The following CCKAR variants were observed in gnomAD, a reference collection of about 807,000 sequenced individuals.
CCKAR encodes cholecystokinin A receptor.
A neutral mutation model predicts 29.8 loss-of-function variants in CCKAR; 21 were observed. The ratio of observed to expected loss-of-function variants is 0.70; its 90% CI spans 0.50 to 1.01. The LOEUF (loss-of-function observed/expected upper bound fraction) is 1.01. Among genes scored for constraint, CCKAR ranks in the 50% least tolerant of loss-of-function variants. CCKAR has a pLI of 0.00. For missense variants in CCKAR, 570 were observed against 560.6 expected, an observed-to-expected ratio of 1.02 and a Z score of -0.17; for synonymous variants, 238 against 221.3, an observed-to-expected ratio of 1.08 and a Z score of -0.67.
chr4:26,487,075 T>C (rs146661172), intron 2 of CCKAR, among the ~76,000 whole-genome samples: 7 of 152,332 alleles, frequency 4.6e-5, no homozygotes, highest in East Asian at 3.9e-4. Flanking sequence ...AAATGTCCTA[T>C]TATTCCCTTA....
chr4:26,481,987 C>G lies in CCKAR; in HGVS notation c.938G>C (p.Arg313Pro), dbSNP rs201014241. ...GAGGACCACGATGACGATGAGCATG[C>G]GGATCACCCTTTTCTTGGCCATCAG... ...ANLMAKKRVI[R>P]MLIVIVVLFF... Residue 313 changes from arginine (R) to proline (P), a missense_variant, in exon 5 of 5, where the codon CGC (arginine) becomes CCC (proline). Physicochemically the swap from Arg to Pro is moderately radical, Grantham distance 103. Transcript: ENST00000295589. 2.5e-6 allele frequency: 4 copies of G among 1,614,234 alleles called. No individual in the cohort carries two copies. The South Asian group carries it at 3.3e-5, about 13-fold the overall frequency.
At chr4:26,488,395 T>G (rs1054609150) in intron 2 of CCKAR, among the ~76,000 whole-genome samples, 1 of 152,150 alleles carries the variant, frequency 6.6e-6, no homozygotes, top group African/African-American at 2.4e-5. Context: ...GTTTCCTCCT[T>G]AGGGAGACAA....
intron 1 of CCKAR, 62 bp downstream of exon 1, chr4:26,490,090 GCCTT>G: frequency 5.1e-6 from 5 of 973,512 alleles, no homozygotes; most frequent in Non-Finnish European, 8.2e-6. Flanking sequence ...TATCAGCCTT[GCCTT>G]TGCTGATTTC....
At chr4:26,482,236 C>G (rs1737366555) in intron 4 of CCKAR, 66 bp from the exon 5 acceptor site, 43 of 1,462,058 alleles carry the variant, frequency 2.9e-5, no homozygotes, top group Non-Finnish European at 4.0e-5. Flanking sequence ...GCATGGAGCC[C>G]CCACTCCCCT....
At position 26,481,983 on chromosome 4, in the gene CCKAR, C is replaced by T; in HGVS notation, c.942G>A (p.Met314Ile). ...AGAAGAGGACCACGATGACGATGAG[C>T]ATGCGGATCACCCTTTTCTTGGCCA... is the stretch of plus-strand genomic sequence containing the variant. The part of the protein sequence containing the change: ...NLMAKKRVIR[M>I]LIVIVVLFFL... Residue 314 changes from methionine (M) to isoleucine (I), a missense_variant, in exon 5 of 5, where the codon ATG becomes ATA. Physicochemically the swap from Met to Ile is conservative, Grantham distance 10 (BLOSUM62 1). Transcript: ENST00000295589. 1 of 1,614,258 alleles carries T rather than the reference C, an allele frequency of 6.2e-7. No homozygotes were observed. The highest frequency in any genetic ancestry group is 8.5e-7 in the Non-Finnish European group (1 of 1,180,044).
Position 26,490,157 on chromosome 4 carries a change from T to G in CCKAR, c.111A>C (p.Lys37Asn), listed in dbSNP as rs1737529270. 1 of 1,604,844 alleles carries G rather than the reference T, an allele frequency of 6.2e-7. No individual in the cohort carries two copies. The highest frequency in any genetic ancestry group is 2.2e-5 in the East Asian group (1 of 44,764). The change falls in exon 1 of 5, where the codon AAA becomes AAC. Residue 37 changes from lysine to asparagine, a missense_variant and splice_region_variant. Transcript: ENST00000295589. Reference sequence around the variant, plus strand: ...AAAATAACAGCTTCCGACACTTACCTTTGGAAGGACGGGGCTGATCCAAGC... The same window carrying G: ...AAAATAACAGCTTCCGACACTTACCGTTGGAAGGACGGGGCTGATCCAAGC... The part of the protein sequence containing the change: ...LFCLDQPRPS[K>N]EWQPAVQILL...
At chr4:26,483,089 T>A in intron 4 of CCKAR, 67 bp downstream of exon 4, 1 of 1,535,406 alleles carries the variant, frequency 6.5e-7, no homozygotes, top group Non-Finnish European at 8.9e-7. Flanking sequence ...TGGGTATATC[T>A]ATTTAAATGA....
intron 1 of CCKAR, 50 bp from the exon 2 acceptor site, chr4:26,489,534 G>A (rs6850415): frequency 0.15 from 247,712 of 1,600,696 alleles, 20,784 homozygotes; most frequent in Non-Finnish European, 0.17. Flanking sequence ...GATGACAGCA[G>A]AATGCTAAAA....
rs758406716 is a variant in CCKAR, at chr4:26,481,996, C to G, written c.929G>C (p.Arg310Thr). ...SSAANLMAKKRVIRMLIVIVV... is the reference protein window; with the variant it reads ...SSAANLMAKKTVIRMLIVIVV... Reference sequence around the variant, plus strand: ...GATGACGATGAGCATGCGGATCACCCTTTTCTTGGCCATCAGGTTGGCTGC... The same window carrying G: ...GATGACGATGAGCATGCGGATCACCGTTTTCTTGGCCATCAGGTTGGCTGC... Residue 310 changes from arginine (R) to threonine (T), a missense_variant, in exon 5 of 5, where the codon AGG becomes ACG. Transcript: ENST00000295589. 1 of 1,614,254 alleles carries G rather than the reference C, an allele frequency of 6.2e-7. No individual in the cohort carries two copies.
At position 26,485,918 on chromosome 4, in the gene CCKAR, G is replaced by T; in HGVS notation, c.365-20C>A. 6.2e-7 allele frequency: 1 copy of T among 1,607,242 alleles called. No homozygotes were observed. The highest frequency in any genetic ancestry group is 8.5e-7 in the Non-Finnish European group (1 of 1,175,586). ...AGGTGCCTGGGAAAGGAACAAAGAA[G>T]CCGGTTATGTTGACTCTGAAATCCA... On this transcript the variant is annotated intron_variant, in intron 2 of 4. Coordinates refer to ENST00000295589, the MANE Select transcript of CCKAR (RefSeq NM_000730.3).
chr4:26,489,006 T>C (rs1737499734), intron 2 of CCKAR, among the ~76,000 whole-genome samples: 1 of 152,116 alleles, frequency 6.6e-6, no homozygotes, highest in Non-Finnish European at 1.5e-5. Context: ...ATTTCACTCT[T>C]AGAAACTGAC....
chr4:26,484,461 TATA>T (rs2109878842), intron 3 of CCKAR, among the ~76,000 whole-genome samples: 1 of 152,298 alleles, frequency 6.6e-6, no homozygotes, highest in African/African-American at 2.4e-5. Context: ...TAGCCTTTTT[TATA>T]ATGACATTTT....
At chr4:26,484,755 A>G (rs1023860936) in intron 3 of CCKAR, among the ~76,000 whole-genome samples, 5 of 152,034 alleles carry the variant, frequency 3.3e-5, no homozygotes, top group Non-Finnish European at 7.3e-5. Context: ...TCTTTAGAAA[A>G]TCATTGCCAG....
Position 26,489,239 on chromosome 4 carries a change from A to G in CCKAR, c.358T>C (p.Phe120Leu). The G allele has an allele frequency of 1.2e-6, 2 of 1,614,020 alleles. No individual in the cohort carries two copies. Among genetic ancestry groups the G allele is most frequent in the Non-Finnish European group, 8.5e-7 (1 of 1,179,958 alleles). Reference sequence around the variant, plus strand: ...GTCACCAGCAGCAACTTACCCATGAAGTAGGTGGTGGTCTTGCAAACGGCG... The same window carrying G: ...GTCACCAGCAGCAACTTACCCATGAGGTAGGTGGTGGTCTTGCAAACGGCG... ...GSAVCKTTTY[F>L]MGTSVSVSTF... Residue 120 changes from phenylalanine (F) to leucine (L), a missense_variant, in exon 2 of 5, where the codon TTC becomes CTC. Phe to Leu is a conservative substitution (Grantham distance 22, BLOSUM62 0). Transcript: ENST00000295589.
In CCKAR at chr4:26,489,158, T is replaced by G. The variant is rs1013477982; in HGVS notation, c.364+75A>C. The G allele has an allele frequency of 2.7e-5, 43 of 1,577,120 alleles. No individual in the cohort carries two copies. In the African/African-American group the frequency reaches 4.2e-4, roughly 15 times the overall value. On this transcript the variant is annotated intron_variant, in intron 2 of 4. Coordinates refer to ENST00000295589, the MANE Select transcript of CCKAR (RefSeq NM_000730.3). ...CAGCAGGGCTCCTTTGCTGTGATTGTCAGAGGTTTGGGAAGGTCTGGGGCT... is the reference window on the plus strand; with the variant it reads ...CAGCAGGGCTCCTTTGCTGTGATTGGCAGAGGTTTGGGAAGGTCTGGGGCT...
At position 26,482,034 on chromosome 4, in the gene CCKAR, C is replaced by T; in HGVS notation, c.891G>A (p.Arg297=). The stretch of plus-strand genomic sequence containing the variant: ...TCAGGTTGGCTGCGGAGCTGTTACT[C>T]CGGATGCGGTTGGCCCTGCTGCTGC... ...TGSSSRANRI[R]SNSSAANLMA... Residue 297 remains arginine (R), a synonymous_variant, in exon 5 of 5, where the codon CGG becomes CGA. Coordinates refer to ENST00000295589, the MANE Select transcript of CCKAR (RefSeq NM_000730.3). The T allele has an allele frequency of 6.2e-7, 1 of 1,614,252 alleles. No homozygotes were observed. The highest frequency in any genetic ancestry group is 8.5e-7 in the Non-Finnish European group (1 of 1,180,052).
At chr4:26,489,172 A>G in intron 2 of CCKAR, 61 bp downstream of exon 2, 3 of 1,598,614 alleles carry the variant, frequency 1.9e-6, no homozygotes, top group Non-Finnish European at 2.6e-6. Flanking sequence ...AGGTTTGGGA[A>G]GGTCTGGGGC....
chr4:26,487,833 T>C (rs1020406026), intron 2 of CCKAR, among the ~76,000 whole-genome samples: 6 of 152,198 alleles, frequency 3.9e-5, no homozygotes, highest in African/African-American at 1.4e-4. Flanking sequence ...ATAAGATATA[T>C]ATGGATGGGC....
rs555106345 is a variant in CCKAR, at chr4:26,489,089, G to A, written c.364+144C>T. ...GACTGTCAAGCCAGCACCAATGTCC[G>A]TGCACACAGCCATGCACAGCCTGAT... is the stretch of plus-strand genomic sequence containing the variant. On this transcript the variant is annotated intron_variant, in intron 2 of 4. Coordinates refer to ENST00000295589, the MANE Select transcript of CCKAR (RefSeq NM_000730.3). The A allele has an allele frequency of 1.4e-4, 144 of 1,042,632 alleles. 3 individuals carry two copies. The South Asian group carries it at 2.1e-3, about 15-fold the overall frequency. 64.6% of individuals were successfully genotyped at this position (1,042,632 alleles called of 1,614,324 possible). A position where few individuals can be genotyped will look rare whatever the true frequency, so the allele number is the denominator to read the frequency against.
Sources: gnomAD v4.1 joint callset for allele counts (sites outside exome capture counted in the v4.1 genomes callset) on GRCh38, gnomAD v4.1.1 for gene constraint, MANE v1.5 for transcripts, NCBI Gene and HGNC (gene_info 2026-07-23, HGNC 2026-07-21) for gene names.